The following PPP1R12C variants were observed in gnomAD, a reference collection of about 807,000 sequenced individuals.
The protein encoded by PPP1R12C is leukocyte receptor cluster (LRC) encoded novel gene 3.
In PPP1R12C, 48 loss-of-function variants were observed where a neutral mutation model predicts 95.6. The observed-to-expected ratio is 0.50, with a 90% confidence interval of 0.40 to 0.64. PPP1R12C has a LOEUF of 0.64. PPP1R12C is among the 30% of genes least tolerant of loss of function. PPP1R12C has a pLI of 0.00. For missense variants in PPP1R12C, 1,057 were observed against 1,083.3 expected, an observed-to-expected ratio of 0.98 and a Z score of 0.34; for synonymous variants, 480 against 460.8, an observed-to-expected ratio of 1.04 and a Z score of -0.53.
chr19:55,099,041 A>G lies in PPP1R12C; in HGVS notation c.786T>C (p.Thr262=). 1 of 1,553,520 alleles carries G rather than the reference A, an allele frequency of 6.4e-7. No homozygotes were observed. Among genetic ancestry groups the G allele is most frequent in the East Asian group, 2.4e-5 (1 of 41,484 alleles). Residue 262 remains threonine (T), a synonymous_variant, in exon 5 of 22, where the codon ACT becomes ACC. Coordinates refer to ENST00000263433, the MANE Select transcript of PPP1R12C (RefSeq NM_017607.4). ...DPELRDGDGW[T]PLHAAAHWGV... is the part of the protein sequence containing the mutation. ...CCCAGTGTGCCGCTGCGTGCAGGGG[A>G]GTCCAGCCGTCCCCGTCCCGGAGCT...
chr19:55,092,470 G>T lies in PPP1R12C; in HGVS notation c.2027C>A (p.Ser676Ter). ...CCTAAAGCCTCCGTCTGGCTCTTCC[G>T]ATTCTGGCTCAGGTTCTGGGTTGAG... ...RDLNPEPEPESEEPDGGFRTL... is the reference protein window; with the variant it reads ...RDLNPEPEPE Residue 676 changes from serine to a stop codon, truncating the protein, a stop_gained, in exon 18 of 22, where the codon TCG (serine) becomes TAG (stop). Transcript: ENST00000263433. LOFTEE classifies it high-confidence loss of function. The T allele has an allele frequency of 6.2e-7, 1 of 1,609,878 alleles. No homozygotes were observed. Among genetic ancestry groups the T allele is most frequent in the Non-Finnish European group, 8.5e-7 (1 of 1,178,476 alleles).
Position 55,092,641 on chromosome 19 carries a change from C to A in PPP1R12C, c.1933G>T (p.Asp645Tyr). 2.0e-6 allele frequency: 3 copies of A among 1,533,382 alleles called. No individual in the cohort carries two copies. The highest frequency in any genetic ancestry group is 2.6e-6 in the Non-Finnish European group (3 of 1,142,914). 95.0% of individuals were successfully genotyped at this position (1,533,382 alleles called of 1,614,324 possible). Reference sequence around the variant, plus strand: ...CCCTACCTGGACTCCTGGCTGCGGTCAGCCGGCTCCGCCTCCTCCCCCTGT... The same window carrying A: ...CCCTACCTGGACTCCTGGCTGCGGTAAGCCGGCTCCGCCTCCTCCCCCTGT... ...PAEGEEAEPA[D>Y]RSQESSTLEG... is the part of the protein sequence containing the mutation. The change falls in exon 17 of 22, where the codon GAC becomes TAC. Residue 645 changes from aspartate (D) to tyrosine (Y), a missense_variant. Around this residue, in one of 5 missense-constraint regions of PPP1R12C, gnomAD observed 347 missense variants for 307.9 expected, o/e 1.13. Transcript: ENST00000263433.
At chr19:55,113,919 CT>C in intron 1 of PPP1R12C, 1 of 163,598 alleles carries the variant, frequency 6.1e-6, no homozygotes, top group Non-Finnish European at 1.3e-5. Flanking sequence ...GCACCAGGGA[CT>C]CCAGAGTCCA....
chr19:55,104,161 TAAAA>T (rs1183787714), intron 3 of PPP1R12C, among the ~76,000 whole-genome samples: 2 of 50,290 alleles, frequency 4.0e-5, no homozygotes, highest in African/African-American at 2.5e-4. Flanking sequence ...AGACTCTGTC[TAAAA>T]AAAAAAAAAA....
intron 3 of PPP1R12C, among the ~76,000 whole-genome samples, chr19:55,107,285 G>A (rs1023616327): frequency 6.6e-6 from 1 of 152,094 alleles, no homozygotes; most frequent in Admixed American, 6.6e-5. Flanking sequence ...ATGGTGGCGG[G>A]TGCTTGTAAT....
chr19:55,097,535 CCG>C (rs2084933858), intron 6 of PPP1R12C, among the ~76,000 whole-genome samples: 1 of 24,150 alleles, frequency 4.1e-5, no homozygotes, highest in Non-Finnish European at 1.2e-4. Context: ...CAGTTCACCA[CCG>C]TCTTCGCCCC....
intron 1 of PPP1R12C, chr19:55,113,117 C>G: frequency 1.9e-6 from 1 of 514,166 alleles, no homozygotes; most frequent in Non-Finnish European, 3.5e-6. Flanking sequence ...GGCAAAACCC[C>G]CGTCACCACC....
At chr19:55,092,916 C>A (rs1369075796) in intron 15 of PPP1R12C, 48 bp from the exon 16 acceptor site, 6 of 1,594,334 alleles carry the variant, frequency 3.8e-6, no homozygotes, top group Non-Finnish European at 5.1e-6. Context: ...AGCCCCCTCT[C>A]GGTGCCTGGG....
chr19:55,112,840 G>A (rs1451033000), intron 1 of PPP1R12C, 45 bp from the exon 2 acceptor site: 36 of 1,606,124 alleles, frequency 2.2e-5, no homozygotes, highest in Non-Finnish European at 2.8e-5. Flanking sequence ...CCCAGCCACG[G>A]TGTCCCAGCA....
Position 55,091,715 on chromosome 19 carries a change from G to C in PPP1R12C, c.2212-15C>G, listed in dbSNP as rs1430539963. The C allele has an allele frequency of 6.2e-7, 1 of 1,613,512 alleles. No individual in the cohort carries two copies. Among genetic ancestry groups the C allele is most frequent in the East Asian group, 2.2e-5 (1 of 44,854 alleles). On this transcript the variant is annotated splice_polypyrimidine_tract_variant and intron_variant, in intron 20 of 21. Coordinates refer to ENST00000263433, the MANE Select transcript of PPP1R12C (RefSeq NM_017607.4). Reference sequence around the variant, plus strand: ...GCCCTGCGCTCCTGGAATGAACAGGGAAAGTGCAGAAACTGAGTGAGGCTG... The same window carrying C: ...GCCCTGCGCTCCTGGAATGAACAGGCAAAGTGCAGAAACTGAGTGAGGCTG...
Position 55,117,364 on chromosome 19 carries a change from C to G in PPP1R12C, c.180G>C (p.Ala60=), listed in dbSNP as rs1434923299. ...ERAAEFLAAC[A]GGDLDEARLM... ...GACGCGCCTCGTCCAGGTCGCCGCCCGCACAGGCCGCCAGGAACTCGGCGG... is the reference window on the plus strand; with the variant it reads ...GACGCGCCTCGTCCAGGTCGCCGCCGGCACAGGCCGCCAGGAACTCGGCGG... Residue 60 remains alanine, a synonymous_variant, in exon 1 of 22, where the codon GCG becomes GCC. Transcript: ENST00000263433. The G allele has an allele frequency of 9.0e-7, 1 of 1,114,144 alleles. No individual in the cohort carries two copies. The highest frequency in any genetic ancestry group is 1.7e-5 in the African/African-American group (1 of 60,018). The allele number at this position is 1,114,144 out of a possible 1,614,324, so 69.0% of individuals were successfully genotyped here. A position where few individuals can be genotyped will look rare whatever the true frequency, so the allele number is the denominator to read the frequency against.
At chr19:55,105,820 T>C (rs2085032328) in intron 3 of PPP1R12C, among the ~76,000 whole-genome samples, 1 of 152,002 alleles carries the variant, frequency 6.6e-6, no homozygotes, top group Admixed American at 6.6e-5. Context: ...TGCACACCTA[T>C]GGTCTCAGCT....
At chr19:55,110,715 A>G (rs2085086219) in intron 3 of PPP1R12C, among the ~76,000 whole-genome samples, 5 of 152,110 alleles carry the variant, frequency 3.3e-5, no homozygotes, top group Admixed American at 3.3e-4. Flanking sequence ...TCTATTAAAA[A>G]TGCAAAATTA....
intron 3 of PPP1R12C, among the ~76,000 whole-genome samples, chr19:55,111,153 G>C (rs1011247550): frequency 8.3e-6 from 1 of 120,444 alleles, no homozygotes; most frequent in Non-Finnish European, 1.9e-5. Context: ...GGGGGGGAGG[G>C]GGGGGTGCAT....
At chr19:55,102,305 G>C (rs1271100066) in intron 4 of PPP1R12C, among the ~76,000 whole-genome samples, 1 of 152,230 alleles carries the variant, frequency 6.6e-6, no homozygotes, top group African/African-American at 2.4e-5. Context: ...CCTGAGGTCA[G>C]GAGTTCAAGA....
intron 4 of PPP1R12C, among the ~76,000 whole-genome samples, chr19:55,100,840 C>G (rs2084972259): frequency 6.6e-6 from 1 of 152,064 alleles, no homozygotes; most frequent in Non-Finnish European, 1.5e-5. Flanking sequence ...TCTTGAACTC[C>G]TGACCTCATG....
chr19:55,091,936 G>T, intron 19 of PPP1R12C, 27 bp from the exon 20 acceptor site: 5 of 1,612,434 alleles, frequency 3.1e-6, no homozygotes, highest in Non-Finnish European at 4.2e-6. Flanking sequence ...AAGCACAGGG[G>T]TCAGCAGAAG....
intron 17 of PPP1R12C, 33 bp from the exon 18 acceptor site, chr19:55,092,577 G>A (rs757623979): frequency 1.9e-6 from 3 of 1,566,634 alleles, no homozygotes; most frequent in East Asian, 2.3e-5. Context: ...GTCAGGGGCC[G>A]GCCCGGCCCG....
At chr19:55,092,044 A>G in intron 19 of PPP1R12C, 135 bp from the exon 20 acceptor site, 3 of 1,209,272 alleles carry the variant, frequency 2.5e-6, no homozygotes, top group Non-Finnish European at 3.5e-6. Context: ...AGGCCCCGCC[A>G]CCGGCAGGCC....
Sources: gnomAD v4.1 joint callset for allele counts (sites outside exome capture counted in the v4.1 genomes callset) on GRCh38, gnomAD v4.1.1 for gene constraint, gnomAD v4.1.1 regional missense constraint, MANE v1.5 for transcripts, NCBI Gene and HGNC (gene_info 2026-07-23, HGNC 2026-07-21) for gene names.